The following NRG1 variants were observed in gnomAD, a reference collection of about 807,000 sequenced individuals.
NRG1 encodes the protein neuregulin 1, also known as pro-neuregulin-1, membrane-bound isoform.
In NRG1, 18 loss-of-function variants were observed where a neutral mutation model predicts 63.8. The ratio of observed to expected loss-of-function variants is 0.28; its 90% CI spans 0.19 to 0.42. NRG1 has a LOEUF of 0.42. Ranked by LOEUF, NRG1 falls within the 10% of genes least tolerant of loss-of-function variation. The probability of loss-of-function intolerance (pLI) is 1.00; values close to 1 mark genes in which losing one functional copy is unlikely to be tolerated. For missense variants in NRG1, 762 were observed against 814.7 expected, an observed-to-expected ratio of 0.94 and a Z score of 0.79; for synonymous variants, 302 against 301.3, an observed-to-expected ratio of 1.00 and a Z score of -0.02.
chr8:32,085,460 T>A (rs1053497592), intron 1 of NRG1, among the ~76,000 whole-genome samples: 8 of 152,236 alleles, frequency 5.3e-5, no homozygotes, highest in Middle Eastern at 3.2e-3. Context: ...TGCTAGAAAT[T>A]TAGGAGCTAC....
rs567181351 is a variant in NRG1 at position 32,370,683 on chromosome 8, C to A, written c.38-225145C>A. ...GACCAGCCTGGCCAACATGGTGAAA[C>A]CCTGTCGCTACTGAAAATACAAAAA... On this transcript the variant is annotated intron_variant, in intron 1 of 10. Transcript: ENST00000519301. Among the ~76,000 whole-genome samples, 201 of 151,634 alleles carry A rather than the reference C, an allele frequency of 1.3e-3. 2 individuals carry two copies. The highest frequency in any genetic ancestry group is 1.9e-3 in the Admixed American group (29 of 15,216).
At chr8:32,580,062 A>G (rs1479723334) in intron 1 of NRG1, among the ~76,000 whole-genome samples, 1 of 152,164 alleles carries the variant, frequency 6.6e-6, no homozygotes, top group Non-Finnish European at 1.5e-5. Flanking sequence ...AGCCCTTCCT[A>G]TGCATGAGTT....
At chr8:31,972,197 T>G (rs531681148) in intron 1 of NRG1, among the ~76,000 whole-genome samples, 12 of 152,074 alleles carry the variant, frequency 7.9e-5, no homozygotes, top group African/African-American at 2.9e-4. Flanking sequence ...AATTTACCCC[T>G]CCTTCTAACT....
intron 7 of NRG1, among the ~76,000 whole-genome samples, chr8:32,744,019 A>C (rs1367080089): frequency 1.3e-5 from 2 of 151,980 alleles, no homozygotes; most frequent in East Asian, 3.9e-4. Flanking sequence ...TTTGTCAACC[A>C]CTGATTTAGA....
At chr8:32,137,045 CAAT>C (rs1180387871) in intron 1 of NRG1, among the ~76,000 whole-genome samples, 2 of 152,070 alleles carry the variant, frequency 1.3e-5, no homozygotes, top group African/African-American at 4.8e-5. Context: ...GATTGTGAAT[CAAT>C]AAACATGGGG....
intron 1 of NRG1, among the ~76,000 whole-genome samples, chr8:32,436,748 T>A (rs892404707): frequency 6.6e-6 from 1 of 152,180 alleles, no homozygotes; most frequent in African/African-American, 2.4e-5. Context: ...ATTGTATGTT[T>A]CTATTCTTTG....
At chr8:32,482,880 T>C (rs1228099157) in intron 1 of NRG1, among the ~76,000 whole-genome samples, 1 of 152,224 alleles carries the variant, frequency 6.6e-6, no homozygotes, top group South Asian at 2.1e-4. Context: ...CAACCAGCAG[T>C]TCTTACACCA....
chr8:31,827,221 G>A lies in NRG1; in HGVS notation c.37+187790G>A, dbSNP rs115074969. Among the ~76,000 whole-genome samples the A allele has an allele frequency of 5.9e-3, 902 of 152,280 alleles. 11 individuals carry two copies. Among genetic ancestry groups the A allele is most frequent in the African/African-American group, 0.02 (812 of 41,556 alleles). On this transcript the variant is annotated intron_variant, in intron 1 of 10. Transcript: ENST00000519301. The stretch of plus-strand genomic sequence containing the variant: ...GTACAGCAGATATAGTGTTTTTAAT[G>A]TCATGGATATTGTACCTGAAAGTAA...
At chr8:32,563,894 C>T (rs1466646788) in intron 1 of NRG1, among the ~76,000 whole-genome samples, 2 of 152,112 alleles carry the variant, frequency 1.3e-5, no homozygotes, top group Non-Finnish European at 2.9e-5. Flanking sequence ...TGTAGTAACT[C>T]TGAATTGTCA....
intron 1 of NRG1, among the ~76,000 whole-genome samples, chr8:32,460,207 T>A (rs1347082879): frequency 6.6e-6 from 1 of 152,220 alleles, no homozygotes; most frequent in Non-Finnish European, 1.5e-5. Flanking sequence ...GAAGACACCA[T>A]CTAAAGTGAG....
At chr8:31,728,154 A>G (rs184713565) in intron 1 of NRG1, among the ~76,000 whole-genome samples, 154 of 152,298 alleles carry the variant, frequency 1.0e-3, no homozygotes, top group Non-Finnish European at 1.5e-3. Flanking sequence ...AACTGCAGAT[A>G]TGGGAAGACT....
At chr8:31,865,882 T>C (rs1828911260) in intron 1 of NRG1, among the ~76,000 whole-genome samples, 2 of 152,160 alleles carry the variant, frequency 1.3e-5, no homozygotes, top group African/African-American at 4.8e-5. Flanking sequence ...TAGTAAGATA[T>C]ATATGTCGGG....
At chr8:32,131,269 TGTAA>T (rs1203240283) in intron 1 of NRG1, among the ~76,000 whole-genome samples, 1 of 152,026 alleles carries the variant, frequency 6.6e-6, no homozygotes, top group Non-Finnish European at 1.5e-5. Flanking sequence ...CAGAGGAATA[TGTAA>T]GTGAGGAATA....
intron 5 of NRG1, among the ~76,000 whole-genome samples, chr8:32,638,040 T>A (rs1269358379): frequency 6.6e-6 from 1 of 152,156 alleles, no homozygotes; most frequent in East Asian, 1.9e-4. Context: ...AGTGTGTGTA[T>A]CTGAGTTGGC....
intron 1 of NRG1, among the ~76,000 whole-genome samples, chr8:32,060,702 G>A (rs112081864): frequency 0.015 from 2,302 of 151,798 alleles, 23 homozygotes; most frequent in Non-Finnish European, 0.024. Flanking sequence ...GCTTACATTG[G>A]GTTTTGTTTT....
chr8:32,536,969 G>T (rs1257852348), intron 1 of NRG1, among the ~76,000 whole-genome samples: 1 of 144,068 alleles, frequency 6.9e-6, no homozygotes, highest in East Asian at 2.1e-4. Flanking sequence ...TCGGCCAGGT[G>T]CAGTGGCTCA....
chr8:32,089,955 A>G (rs1217404419), intron 1 of NRG1, among the ~76,000 whole-genome samples: 1 of 152,194 alleles, frequency 6.6e-6, no homozygotes, highest in Non-Finnish European at 1.5e-5. Context: ...CTGGCTGTAT[A>G]ATGTATGTGG....
chr8:31,973,082 C>T (rs952631024), intron 1 of NRG1, among the ~76,000 whole-genome samples: 1 of 152,102 alleles, frequency 6.6e-6, no homozygotes, highest in Non-Finnish European at 1.5e-5. Flanking sequence ...ACACCAACAT[C>T]ATCCCTCACC....
At chr8:31,780,878 G>T (rs1328539233) in intron 1 of NRG1, among the ~76,000 whole-genome samples, 1 of 152,108 alleles carries the variant, frequency 6.6e-6, no homozygotes, top group African/African-American at 2.4e-5. Flanking sequence ...CCTGTTTCAG[G>T]CACCATTCTC....
Sources: allele counts gnomAD v4.1 joint callset (sites outside exome capture counted in the v4.1 genomes callset), GRCh38; gene constraint gnomAD v4.1.1; transcripts MANE v1.5; gene names NCBI Gene and HGNC (gene_info 2026-07-23, HGNC 2026-07-21).